The following TMEM232 variants were observed in gnomAD, a reference collection of about 807,000 sequenced individuals.
The protein encoded by TMEM232 is transmembrane protein 232.
Under a neutral mutation model 78.8 loss-of-function variants are expected in TMEM232, and 80 were observed. The observed-to-expected ratio is 1.01, with a 90% CI of 0.85 to 1.22. The LOEUF (loss-of-function observed/expected upper bound fraction) is 1.22. Among genes scored for constraint, TMEM232 ranks in the 50% most tolerant of loss-of-function variants. The pLI, the probability that TMEM232 is intolerant of heterozygous loss-of-function variation, is 0.00. For synonymous variants in TMEM232, 297 were observed against 254.3 expected (o/e 1.17, Z -1.60); for missense variants, 881 against 742.2 (o/e 1.19, Z -2.17).
At chr5:110,645,415 T>C (rs1198656468) in intron 2 of TMEM232, among the ~76,000 whole-genome samples, 3 of 150,290 alleles carry the variant, frequency 2.0e-5, no homozygotes, top group African/African-American at 7.3e-5. Context: ...ACAAGGATGG[T>C]TCAACATACA....
chr5:110,710,881 T>A (rs1411652926), intron 1 of TMEM232, among the ~76,000 whole-genome samples: 2 of 151,902 alleles, frequency 1.3e-5, no homozygotes, highest in African/African-American at 4.8e-5. Context: ...CTTTCACCAC[T>A]GTTATTCAAC....
chr5:110,440,197 CT>C (rs1278787144), intron 12 of TMEM232, among the ~76,000 whole-genome samples: 1 of 152,092 alleles, frequency 6.6e-6, no homozygotes, highest in East Asian at 1.9e-4. Context: ...TCAAAGTGTC[CT>C]TTAAGAGATA....
At chr5:110,555,053 G>A (rs1173109708) in intron 11 of TMEM232, among the ~76,000 whole-genome samples, 2 of 151,918 alleles carry the variant, frequency 1.3e-5, no homozygotes, top group South Asian at 2.1e-4. Flanking sequence ...TCTTCTACTA[G>A]CTTTAAGGTT....
chr5:110,733,394 G>T (rs1274957630), intron 2 of TMEM232, among the ~76,000 whole-genome samples: 2 of 152,124 alleles, frequency 1.3e-5, no homozygotes, highest in Non-Finnish European at 2.9e-5. Context: ...ACATGCACAG[G>T]TATGTTCATT....
downstream of TMEM232, among the ~76,000 whole-genome samples, chr5:110,417,372 C>G (rs1756260576): frequency 6.6e-6 from 1 of 152,124 alleles, no homozygotes; most frequent in Non-Finnish European, 1.5e-5. Context: ...AAATCATAAG[C>G]TGAACAATAA....
chr5:110,429,248 G>T (rs920023603), intron 12 of TMEM232, among the ~76,000 whole-genome samples: 1 of 151,588 alleles, frequency 6.6e-6, no homozygotes, highest in Non-Finnish European at 1.5e-5. Flanking sequence ...CTGAGAGTGG[G>T]TAAGAGAGAT....
At chr5:110,525,303 G>A (rs949801387) in intron 12 of TMEM232, among the ~76,000 whole-genome samples, 5 of 151,894 alleles carry the variant, frequency 3.3e-5, no homozygotes, top group African/African-American at 9.7e-5. Context: ...ATATCTGACA[G>A]AATTGTGAAT....
intron 1 of TMEM232, among the ~76,000 whole-genome samples, chr5:110,716,578 C>T (rs959105115): frequency 5.9e-5 from 9 of 152,128 alleles, no homozygotes; most frequent in Non-Finnish European, 1.0e-4. Context: ...AATGCTGCTG[C>T]TGATCTGACA....
intron 8 of TMEM232, among the ~76,000 whole-genome samples, chr5:110,615,076 A>C (rs887074579): frequency 4.6e-5 from 7 of 152,012 alleles, no homozygotes; most frequent in Non-Finnish European, 7.4e-5. Flanking sequence ...TGTGAGACAG[A>C]ACAAATTATT....
chr5:110,728,005 A>T (rs190321898), upstream of TMEM232, among the ~76,000 whole-genome samples: 1,843 of 152,268 alleles, frequency 0.012, 45 homozygotes, highest in African/African-American at 0.042. Context: ...GAAAAGTGTT[A>T]AAAGCATAAA....
At chr5:110,721,780 A>G (rs1797671766) in intron 1 of TMEM232, among the ~76,000 whole-genome samples, 1 of 149,570 alleles carries the variant, frequency 6.7e-6, no homozygotes, top group South Asian at 2.1e-4. Flanking sequence ...TATATTAGAC[A>G]TCCGAATAAG....
Position 110,439,994 on chromosome 5 carries a change from T to A in TMEM232, c.1704-15078A>T, listed in dbSNP as rs78080964. Among the ~76,000 whole-genome samples the A allele has an allele frequency of 4.4e-3, 675 of 152,274 alleles. 5 individuals are homozygous for A. Among genetic ancestry groups the A allele is most frequent in the African/African-American group, 0.015 (621 of 41,568 alleles). On this transcript the variant is annotated intron_variant, in intron 12 of 13. Coordinates refer to ENST00000455884, the MANE Select transcript of TMEM232 (RefSeq NM_001039763.4). ...CACAACAGGACTGTGATGTGACTGA[T>A]GTAAAAGACATGCCAAATGACACAG... is the stretch of plus-strand genomic sequence containing the variant.
upstream of TMEM232, among the ~76,000 whole-genome samples, chr5:110,729,646 T>C (rs1798487123): frequency 6.6e-6 from 1 of 152,234 alleles, no homozygotes; most frequent in African/African-American, 2.4e-5. Flanking sequence ...TTTTAGCAGA[T>C]AATATCAAGA....
chr5:110,432,483 G>A (rs115719778), intron 12 of TMEM232, among the ~76,000 whole-genome samples: 164 of 151,656 alleles, frequency 1.1e-3, no homozygotes, highest in African/African-American at 3.8e-3. Flanking sequence ...GCTTAATAGA[G>A]CTCTAAACAT....
At chr5:110,553,791 G>C (rs538273776) in intron 11 of TMEM232, among the ~76,000 whole-genome samples, 1 of 152,170 alleles carries the variant, frequency 6.6e-6, no homozygotes, top group Admixed American at 6.5e-5. Flanking sequence ...TCCTTGTCTT[G>C]TTTTGTTTCT....
Position 110,467,413 on chromosome 5 carries a change from G to A in TMEM232, c.1704-42497C>T, listed in dbSNP as rs140621194. 3.9e-4 allele frequency among the ~76,000 whole-genome samples: 60 copies of A among 152,320 alleles called. 2 individuals carry two copies. The East Asian group carries it at 9.5e-3, about 24-fold the overall frequency. The stretch of plus-strand genomic sequence containing the variant: ...TGAGATAAAACTGAATAACGGATGA[G>A]TTTCAAAATTCAGCCAGTTTTTCTT... On this transcript the variant is annotated intron_variant, in intron 12 of 13. Coordinates refer to ENST00000455884, the MANE Select transcript of TMEM232 (RefSeq NM_001039763.4).
intron 11 of TMEM232, among the ~76,000 whole-genome samples, chr5:110,562,655 T>C (rs1225495159): frequency 1.3e-5 from 2 of 152,076 alleles, no homozygotes; most frequent in African/African-American, 4.8e-5. Flanking sequence ...GATGAGACAA[T>C]AAAGCTTATG....
intron 12 of TMEM232, among the ~76,000 whole-genome samples, chr5:110,471,374 G>A (rs1180342365): frequency 1.3e-5 from 2 of 152,118 alleles, no homozygotes; most frequent in Non-Finnish European, 2.9e-5. Flanking sequence ...CCAAGTGTTT[G>A]AAGAGATATG....
intron 12 of TMEM232, among the ~76,000 whole-genome samples, chr5:110,524,411 G>GAAAGAAAAGAAAAGAAAAGA (rs202226775): frequency 1.6e-4 from 10 of 61,422 alleles, no homozygotes; most frequent in Non-Finnish European, 2.7e-4. Context: ...AAGAAAGAAA[G>GAAAGAAAAGAAAAGAAAAGA]AAAGAAAAGA....
Sources: allele counts gnomAD v4.1 joint callset (sites outside exome capture counted in the v4.1 genomes callset), GRCh38; gene constraint gnomAD v4.1.1; transcripts MANE v1.5; gene names NCBI Gene and HGNC (gene_info 2026-07-23, HGNC 2026-07-21).